CFDP1: variants seen among roughly 807,000 people sequenced by gnomAD.
CFDP1 encodes the protein heterochromatin-stabilizing protein CFDP1.
Under a neutral mutation model 40.1 loss-of-function variants are expected in CFDP1, and 31 were observed. The observed-to-expected ratio is 0.77, with a 90% CI of 0.58 to 1.04. The LOEUF (loss-of-function observed/expected upper bound fraction) is 1.04. Ranked by LOEUF, CFDP1 falls within the 50% of genes least tolerant of loss-of-function variation. The probability of loss-of-function intolerance (pLI) is 0.00; values close to 1 mark genes in which losing one functional copy is unlikely to be tolerated. For missense variants in CFDP1, 423 were observed against 343.4 expected (o/e 1.23, Z -1.83); for synonymous variants, 167 against 120.0 (o/e 1.39, Z -2.56).
rs59681577 is a variant in CFDP1 at position 75,384,852 on chromosome 16, C to CTA, written c.650+10236_650+10237dup. Among the ~76,000 whole-genome samples the CTA allele has an allele frequency of 5.1e-3, 610 of 119,094 alleles. 16 individuals carry two copies. The highest frequency in any genetic ancestry group is 6.6e-3 in the Non-Finnish European group (385 of 58,608). 78.1% of individuals were successfully genotyped at this position (119,094 alleles called of 152,430 possible). A position where few individuals can be genotyped will look rare whatever the true frequency, so the allele number is the denominator to read the frequency against. ...TACAAGTTGCAAGAAGAAACTAAAA[C>CTA]TATATATATATATATATATATATAT... On this transcript the variant is annotated intron_variant, in intron 5 of 6. Coordinates refer to ENST00000283882, the MANE Select transcript of CFDP1 (RefSeq NM_006324.3).
chr16:75,328,458 T>C (rs2078419961), intron 5 of CFDP1, among the ~76,000 whole-genome samples: 2 of 145,654 alleles, frequency 1.4e-5, no homozygotes, highest in Admixed American at 1.4e-4. Context: ...AATAGCTGGG[T>C]GTGGTGGCAG....
rs1402878739 is a variant in CFDP1 at position 75,304,169 on chromosome 16, A to C, written c.809+855T>G. Among the ~76,000 whole-genome samples the C allele has an allele frequency of 3.9e-5, 6 of 152,024 alleles. No individual in the cohort carries two copies. In the East Asian group the frequency reaches 1.2e-3, roughly 29 times the overall value. ...CTGCAACCTCCACCTAGTGGGTTCA[A>C]GTGATCCTCCTGCCCCAGCCTCCCA... On this transcript the variant is annotated intron_variant, in intron 6 of 6. Transcript: ENST00000283882.
chr16:75,414,188 G>A (rs942275188), intron 2 of CFDP1, among the ~76,000 whole-genome samples: 2 of 151,852 alleles, frequency 1.3e-5, no homozygotes, highest in Non-Finnish European at 2.9e-5. Context: ...AAGTGAGTAT[G>A]CTACTATTTA....
Position 75,410,960 on chromosome 16 carries a change from T to C in CFDP1, c.530+865A>G, listed in dbSNP as rs577548305. Among the ~76,000 whole-genome samples the C allele has an allele frequency of 6.4e-3, 953 of 148,724 alleles. 7 individuals carry two copies. Among genetic ancestry groups the C allele is most frequent in the South Asian group, 0.015 (72 of 4,664 alleles). On this transcript the variant is annotated intron_variant, in intron 4 of 6. Coordinates refer to ENST00000283882, the MANE Select transcript of CFDP1 (RefSeq NM_006324.3). ...AAGGCCAGGAGTGGCAGCTCATGCC[T>C]GTAATCCTAGCACTTTGGGAGGCCA...
intron 5 of CFDP1, among the ~76,000 whole-genome samples, chr16:75,358,918 C>G (rs2078663748): frequency 6.6e-6 from 1 of 152,128 alleles, no homozygotes. Context: ...GTTAGAAGAG[C>G]TGTATAACCC....
chr16:75,345,492 T>C (rs529254037), intron 5 of CFDP1, among the ~76,000 whole-genome samples: 1 of 151,872 alleles, frequency 6.6e-6, no homozygotes, highest in African/African-American at 2.4e-5. Flanking sequence ...CAAAACATTA[T>C]CTGGGCATGG....
At chr16:75,324,271 G>A (rs2078387874) in intron 5 of CFDP1, among the ~76,000 whole-genome samples, 1 of 152,078 alleles carries the variant, frequency 6.6e-6, no homozygotes, top group Non-Finnish European at 1.5e-5. Context: ...AATTTGCCAG[G>A]GGGACGAGCT....
chr16:75,315,659 A>G (rs1239315599), intron 5 of CFDP1, among the ~76,000 whole-genome samples: 5 of 152,206 alleles, frequency 3.3e-5, no homozygotes, highest in Non-Finnish European at 7.3e-5. Flanking sequence ...TTCAATTGTT[A>G]ACATTTTGCC....
rs1023690944 is a variant in CFDP1 at position 75,416,028 on chromosome 16, CT to C, written c.65-1334del. Among the ~76,000 whole-genome samples, 121 of 152,134 alleles carry C rather than the reference CT, an allele frequency of 8.0e-4. 1 individual carries two copies. Among genetic ancestry groups the C allele is most frequent in the African/African-American group, 2.9e-3 (119 of 41,512 alleles). On this transcript the variant is annotated intron_variant, in intron 1 of 6. Transcript: ENST00000283882. The stretch of plus-strand genomic sequence containing the variant: ...CCACCACACCCAGCTGATTTTTATA[CT>C]TTTAGTAGAGATGGGGTTTTATCAT...
Position 75,408,796 on chromosome 16 carries a change from AAT to A in CFDP1, c.530+3027_530+3028del, listed in dbSNP as rs1472158238. Among the ~76,000 whole-genome samples the A allele has an allele frequency of 2.6e-5, 4 of 152,166 alleles. No homozygotes were observed. In the East Asian group the frequency reaches 7.7e-4, roughly 29 times the overall value. On this transcript the variant is annotated intron_variant, in intron 4 of 6. Coordinates refer to ENST00000283882, the MANE Select transcript of CFDP1 (RefSeq NM_006324.3). ...TCTCAAAATAATAATAATAAAAAAA[AAT>A]AGTGTTGATTCAAAGTGTGTGTCTG...
intron 1 of CFDP1, among the ~76,000 whole-genome samples, chr16:75,419,461 T>C (rs538986720): frequency 6.6e-6 from 1 of 152,194 alleles, no homozygotes; most frequent in Non-Finnish European, 1.5e-5. Context: ...TCTCAAACTC[T>C]AATGACAGTA....
intron 5 of CFDP1, among the ~76,000 whole-genome samples, chr16:75,351,924 C>T (rs2078614442): frequency 7.0e-6 from 1 of 143,384 alleles, no homozygotes; most frequent in South Asian, 2.2e-4. Context: ...AAGAGAATCA[C>T]TTGAACCCGG....
chr16:75,375,940 T>C (rs528175010), intron 5 of CFDP1, among the ~76,000 whole-genome samples: 2 of 152,284 alleles, frequency 1.3e-5, no homozygotes, highest in East Asian at 3.9e-4. Flanking sequence ...AGACTGAGCG[T>C]TGTGGCTCAT....
At chr16:75,360,480 T>C (rs1266026554) in intron 5 of CFDP1, among the ~76,000 whole-genome samples, 1 of 152,218 alleles carries the variant, frequency 6.6e-6, no homozygotes, top group Non-Finnish European at 1.5e-5. Context: ...AAAAATAATT[T>C]AGCACCAGAG....
chr16:75,381,319 T>C (rs761061316), intron 5 of CFDP1: 1 of 151,702 alleles, frequency 6.6e-6, no homozygotes, highest in Non-Finnish European at 1.5e-5. Context: ...AAAATTAAAA[T>C]AGTTTTTTAA....
rs1567688361 is a variant in CFDP1 at position 75,433,407 on chromosome 16, C to T, written c.-55G>A. ...ACAAGACCGCAGCAGCCGCCTCCAA[C>T]GGCAAAGCTCTAGGGAGAGACCATA... On this transcript the variant is annotated 5_prime_UTR_variant, in exon 1 of 7. Transcript: ENST00000283882. The T allele has an allele frequency of 2.6e-6, 4 of 1,525,126 alleles. No individual in the cohort carries two copies. Among genetic ancestry groups the T allele is most frequent in the Middle Eastern group, 1.9e-4 (1 of 5,348 alleles). 94.5% of individuals were successfully genotyped at this position (1,525,126 alleles called of 1,614,324 possible).
Position 75,338,028 on chromosome 16 carries a change from C to T in CFDP1, c.651-32846G>A, listed in dbSNP as rs528296797. 1.1e-4 allele frequency among the ~76,000 whole-genome samples: 16 copies of T among 152,328 alleles called. No homozygotes were observed. In the South Asian group the frequency reaches 1.9e-3, roughly 18 times the overall value. On this transcript the variant is annotated intron_variant, in intron 5 of 6. Transcript: ENST00000283882. ...CACCCAGCTCAGCCACTTATTCACA[C>T]GGCATTCTCTCATACCCAATGAAAC... is the stretch of plus-strand genomic sequence containing the variant.
At chr16:75,425,029 T>A (rs1294201123) in intron 1 of CFDP1, among the ~76,000 whole-genome samples, 1 of 152,134 alleles carries the variant, frequency 6.6e-6, no homozygotes, top group Non-Finnish European at 1.5e-5. Context: ...ACCTGTATTG[T>A]ATTTCCATAT....
At chr16:75,399,056 C>CAAAAAA (rs58692180) in intron 4 of CFDP1, among the ~76,000 whole-genome samples, 3 of 98,064 alleles carry the variant, frequency 3.1e-5, no homozygotes, top group Non-Finnish European at 4.1e-5. Flanking sequence ...GACTCCGTCT[C>CAAAAAA]AAAAAAAAAA....
Sources: gnomAD v4.1 joint callset for allele counts (sites outside exome capture counted in the v4.1 genomes callset) on GRCh38, gnomAD v4.1.1 for gene constraint, MANE v1.5 for transcripts, NCBI Gene and HGNC (gene_info 2026-07-23, HGNC 2026-07-21) for gene names.